The following CPLANE1 variants were observed in gnomAD, a reference collection of about 807,000 sequenced individuals.
CPLANE1 encodes ciliogenesis and planar polarity effector complex subunit 1, also known as ciliogenesis and planar polarity effector 1.
In CPLANE1, 263 loss-of-function variants were observed where a neutral mutation model predicts 362.5. That is an observed-to-expected ratio of 0.73 (90% CI 0.66 to 0.80). The LOEUF (loss-of-function observed/expected upper bound fraction) is 0.80. CPLANE1 is among the 30% of genes least tolerant of loss of function. CPLANE1 has a pLI of 0.00. For synonymous variants in CPLANE1, 1,212 were observed against 1,302.6 expected (o/e 0.93, Z 1.50); for missense variants, 3,461 against 3,793.4 (o/e 0.91, Z 2.30).
chr5:37,128,286 C>T (rs752591933), intron 46 of CPLANE1, among the ~76,000 whole-genome samples: 1 of 152,114 alleles, frequency 6.6e-6, no homozygotes, highest in East Asian at 1.9e-4. Context: ...GTCACTCTTA[C>T]CACCTGATAG....
rs1244119341 is a variant in CPLANE1 at position 37,224,741 on chromosome 5, C to T, written c.2292-1G>A. 1.9e-6 allele frequency: 3 copies of T among 1,543,378 alleles called. No homozygotes were observed. The highest frequency in any genetic ancestry group is 2.6e-6 in the Non-Finnish European group (3 of 1,140,710). On this transcript the variant is annotated splice_acceptor_variant, in intron 12 of 52. Coordinates refer to ENST00000651892, the MANE Select transcript of CPLANE1 (RefSeq NM_001384732.1). LOFTEE classifies it high-confidence loss of function. Reference sequence around the variant, plus strand: ...CAGTATTCTCCAGAGAATAAGCAATCTGCACATAAAATCAGGTAATTATCA... The same window carrying T: ...CAGTATTCTCCAGAGAATAAGCAATTTGCACATAAAATCAGGTAATTATCA...
intron 6 of CPLANE1, among the ~76,000 whole-genome samples, chr5:37,241,710 T>C (rs929536657): frequency 3.3e-5 from 5 of 152,170 alleles, no homozygotes; most frequent in Non-Finnish European, 5.9e-5. Flanking sequence ...CACTGCAACC[T>C]GGACCTCCTG....
rs751889936 is a variant in CPLANE1 at position 37,180,062 on chromosome 5, C to T, written c.5692G>A (p.Ala1898Thr). The change falls in exon 28 of 53, where the codon GCA becomes ACA. Residue 1898 changes from alanine (A) to threonine (T), a missense_variant. This residue lies in a region of CPLANE1 where 3,380 missense variants were observed against 3,666.1 expected (regional missense o/e 0.92). Coordinates refer to ENST00000651892, the MANE Select transcript of CPLANE1 (RefSeq NM_001384732.1). ...ATATCCATTTCCTCTTCTGTAAATGCTTCTACTTCTAAAAGATTCTCATCA... is the reference window on the plus strand; with the variant it reads ...ATATCCATTTCCTCTTCTGTAAATGTTTCTACTTCTAAAAGATTCTCATCA... The part of the protein sequence containing the change: ...DIDENLLEVE[A>T]FTEEEMDMHI... 11 of 1,572,224 alleles carry T rather than the reference C, an allele frequency of 7.0e-6. No homozygotes were observed. The East Asian group carries it at 2.5e-4, about 36-fold the overall frequency.
At chr5:37,230,259 A>G (rs1428555354) in intron 9 of CPLANE1, among the ~76,000 whole-genome samples, 1 of 151,992 alleles carries the variant, frequency 6.6e-6, no homozygotes, top group African/African-American at 2.4e-5. Flanking sequence ...AAGTCATACA[A>G]CTAATAAGTA....
At position 37,158,032 on chromosome 5, in the gene CPLANE1, G is replaced by C. The variant is rs1775682492; in HGVS notation, c.7813-164C>G. On this transcript the variant is annotated intron_variant, in intron 39 of 52. Coordinates refer to ENST00000651892, the MANE Select transcript of CPLANE1 (RefSeq NM_001384732.1). ...GTGCCTAACTTAGGAAAAGGAGCAG[G>C]AAGTATGTATTATTGGTCTTAGTTT... is the stretch of plus-strand genomic sequence containing the variant. 5.2e-6 allele frequency: 4 copies of C among 774,634 alleles called. No individual in the cohort carries two copies. The East Asian group carries it at 8.2e-5, about 16-fold the overall frequency. The allele number at this position is 774,634 out of a possible 1,614,324, so 48.0% of individuals were successfully genotyped here.
chr5:37,164,223 C>T (rs1777639541), intron 37 of CPLANE1, 50 bp downstream of exon 37: 1 of 1,382,108 alleles, frequency 7.2e-7, no homozygotes, highest in Non-Finnish European at 1.0e-6. Context: ...TTCTAGAAAG[C>T]TAATTTTAAC....
the CPLANE1 span, among the ~76,000 whole-genome samples, chr5:37,092,765 A>G: frequency 6.6e-5 from 10 of 152,216 alleles, no homozygotes; most frequent in African/African-American, 1.9e-4. Context: ...GGAACATATC[A>G]TAATTCCGGT....
At chr5:37,197,442 C>T (rs1580650466) in intron 20 of CPLANE1, among the ~76,000 whole-genome samples, 2 of 152,160 alleles carry the variant, frequency 1.3e-5, no homozygotes, top group Non-Finnish European at 2.9e-5. Context: ...CACAGTTCTA[C>T]AGCCACATGC....
Position 37,245,498 on chromosome 5 carries a change from T to C in CPLANE1, c.318A>G (p.Glu106=). 6 of 1,478,556 alleles carry C rather than the reference T, an allele frequency of 4.1e-6. No homozygotes were observed. Among genetic ancestry groups the C allele is most frequent in the Non-Finnish European group, 5.4e-6 (6 of 1,111,730 alleles). The allele number at this position is 1,478,556 out of a possible 1,614,324, so 91.6% of individuals were successfully genotyped here. ...KTIPITEKPK[E]MIKATVASSL... is the part of the protein sequence containing the mutation. The stretch of plus-strand genomic sequence containing the variant: ...TCCCACCGACTGTAGCTTTGATCAT[T>C]TCCTTAGGCTTTTCAGTTATTGGTA... Residue 106 remains glutamate (E), a synonymous_variant, in exon 4 of 53, where the codon GAA becomes GAG. Transcript: ENST00000651892.
At position 37,209,831 on chromosome 5, in the gene CPLANE1, T is replaced by A; in HGVS notation, c.2921-3406A>T. 2 of 1,351,230 alleles carry A rather than the reference T, an allele frequency of 1.5e-6. No homozygotes were observed. Among genetic ancestry groups the A allele is most frequent in the Non-Finnish European group, 2.1e-6 (2 of 942,898 alleles). The allele number at this position is 1,351,230 out of a possible 1,614,324, so 83.7% of individuals were successfully genotyped here. On this transcript the variant is annotated intron_variant, in intron 16 of 52. Coordinates refer to ENST00000651892, the MANE Select transcript of CPLANE1 (RefSeq NM_001384732.1). This position sits in a 1 kb window ranked among gnomAD's most constrained non-coding sequence, Gnocchi z 4.6. ...CAGAATATCATCAAGCTAAAGAAAG[T>A]TGTAATATGGAAACTCAGACAAGTT...
rs1791919810 is a variant in CPLANE1, at chr5:37,209,337, G to GCGGGCTC, written c.2921-2919_2921-2913dup. On this transcript the variant is annotated intron_variant, in intron 16 of 52. Coordinates refer to ENST00000651892, the MANE Select transcript of CPLANE1 (RefSeq NM_001384732.1). This position sits in a 1 kb window ranked among gnomAD's most constrained non-coding sequence, Gnocchi z 4.6. The stretch of plus-strand genomic sequence containing the variant: ...CTCGGGCCACGGCGGGGCGAGCGAG[G>GCGGGCTC]CGGGCTCCGGAGGAAGCTGACGGCT... 3 of 898,574 alleles carry GCGGGCTC rather than the reference G, an allele frequency of 3.3e-6. No individual in the cohort carries two copies. Among genetic ancestry groups the GCGGGCTC allele is most frequent in the African/African-American group, 1.6e-5 (1 of 61,246 alleles). 55.7% of individuals were successfully genotyped at this position (898,574 alleles called of 1,614,324 possible).
At position 37,238,913 on chromosome 5, in the gene CPLANE1, A is replaced by G; in HGVS notation, c.882T>C (p.Cys294=). ...FINTLNFVTL[C]GSLKGCSNKS... is the part of the protein sequence containing the mutation. ...TGTTACTACATCCTTTAAGGCTACC[A>G]CAGAGAGTAACAAAATTCAGTGTGT... Residue 294 remains cysteine (C), a synonymous_variant, in exon 8 of 53, where the codon TGT becomes TGC. Coordinates refer to ENST00000651892, the MANE Select transcript of CPLANE1 (RefSeq NM_001384732.1). The G allele has an allele frequency of 6.5e-7, 1 of 1,536,448 alleles. No homozygotes were observed. Among genetic ancestry groups the G allele is most frequent in the Non-Finnish European group, 8.8e-7 (1 of 1,141,432 alleles).
intron 29 of CPLANE1, among the ~76,000 whole-genome samples, chr5:37,178,544 TC>T (rs1372583542): frequency 2.7e-5 from 4 of 150,640 alleles, no homozygotes; most frequent in African/African-American, 9.8e-5. Context: ...TTCCAGGAAT[TC>T]CAGGCTGCAG....
the CPLANE1 span, among the ~76,000 whole-genome samples, chr5:37,076,739 C>T: frequency 6.6e-6 from 1 of 151,284 alleles, no homozygotes. Context: ...TTTTAAAAAC[C>T]ATTTCTTTTA....
At chr5:37,168,140 T>G (rs549464159) in intron 34 of CPLANE1, among the ~76,000 whole-genome samples, 3 of 152,214 alleles carry the variant, frequency 2.0e-5, no homozygotes, top group African/African-American at 4.8e-5. Context: ...CCATTTTAAT[T>G]TCATAAATCA....
At chr5:37,195,823 T>G (rs1248847347) in intron 21 of CPLANE1, 35 bp downstream of exon 21, 13 of 1,590,280 alleles carry the variant, frequency 8.2e-6, no homozygotes, top group Non-Finnish European at 1.1e-5. Context: ...ATACCATCAT[T>G]CATACTCTAA....
the CPLANE1 span, among the ~76,000 whole-genome samples, chr5:37,099,780 T>C: frequency 1.0e-3 from 156 of 152,288 alleles, no homozygotes; most frequent in Admixed American, 1.7e-3. Flanking sequence ...GGCATTCCTT[T>C]TTCTCCACAA....
chr5:37,243,897 C>T (rs1738585743), intron 5 of CPLANE1, among the ~76,000 whole-genome samples: 1 of 149,762 alleles, frequency 6.7e-6, no homozygotes, highest in East Asian at 1.9e-4. Flanking sequence ...GTTGCCCAGG[C>T]TGGAGTGTAA....
At chr5:37,098,640 A>G in the CPLANE1 span, among the ~76,000 whole-genome samples, 29 of 152,118 alleles carry the variant, frequency 1.9e-4, no homozygotes, top group Admixed American at 5.9e-4. Flanking sequence ...AGGCCACAAA[A>G]TAAGTCTCAA....
Sources: allele counts gnomAD v4.1 joint callset (sites outside exome capture counted in the v4.1 genomes callset), GRCh38; gene constraint gnomAD v4.1.1; regional missense constraint gnomAD v4.1.1; non-coding constraint Gnocchi (gnomAD v3.1); transcripts MANE v1.5; gene names NCBI Gene and HGNC (gene_info 2026-07-23, HGNC 2026-07-21).